Variants in CEP295 observed in about 807,000 individuals in gnomAD.
CEP295 encodes the protein centrosomal protein 295, also known as centrosomal protein of 295 kDa.
A neutral mutation model predicts 291.6 loss-of-function variants in CEP295; 190 were observed. That is an observed-to-expected ratio of 0.65 (90% CI 0.58 to 0.73). The LOEUF (loss-of-function observed/expected upper bound fraction) is 0.73. Among genes scored for constraint, CEP295 ranks in the 30% least tolerant of loss-of-function variants. CEP295 has a pLI of 0.00. For missense variants in CEP295, 2,863 were observed against 2,949.4 expected (o/e 0.97, Z 0.68); for synonymous variants, 993 against 1,038.8 (o/e 0.96, Z 0.85).
Position 93,699,550 on chromosome 11 carries a change from T to C in CEP295, c.4638T>C (p.Val1546=), listed in dbSNP as rs1203177170. The change falls in exon 15 of 30, where the codon GTT becomes GTC. Residue 1546 remains valine, a synonymous_variant. Transcript: ENST00000325212. ...ELEKRVSSEQ[V]CSSSFVSQVP... is the part of the protein sequence containing the mutation. ...AGAAAAGGGTATCATCTGAACAAGT[T>C]TGCTCCTCTTCATTTGTATCCCAGG... 9 of 1,551,904 alleles carry C rather than the reference T, an allele frequency of 5.8e-6. No homozygotes were observed. The highest frequency in any genetic ancestry group is 2.0e-5 in the Admixed American group (1 of 51,008).
At position 93,689,823 on chromosome 11, in the gene CEP295, C is replaced by G. The variant is rs531180715; in HGVS notation, c.1337-1860C>G. 1.3e-4 allele frequency among the ~76,000 whole-genome samples: 20 copies of G among 152,304 alleles called. No homozygotes were observed. The East Asian group carries it at 3.9e-3, about 29-fold the overall frequency. ...ACTACTGCCTTGTACAAAACAGGTG[C>G]TCAGTTAACATTCGTTGAATTAATT... On this transcript the variant is annotated intron_variant, in intron 10 of 29. Transcript: ENST00000325212.
chr11:93,684,214 CTGATA>C, intron 9 of CEP295, 86 bp downstream of exon 9: 3 of 1,154,498 alleles, frequency 2.6e-6, no homozygotes, highest in Non-Finnish European at 3.7e-6. Flanking sequence ...AAAATCTGGT[CTGATA>C]TAAGTGCAAG....
At chr11:93,702,985 A>G (rs1952268875) in intron 17 of CEP295, 66 bp downstream of exon 17, 4 of 1,303,210 alleles carry the variant, frequency 3.1e-6, no homozygotes, top group Non-Finnish European at 4.2e-6. Context: ...TTTTTTTTAG[A>G]TGGAGCCTTG....
At chr11:93,690,322 C>T (rs771663380) in intron 10 of CEP295, among the ~76,000 whole-genome samples, 3 of 152,152 alleles carry the variant, frequency 2.0e-5, no homozygotes, top group Non-Finnish European at 2.9e-5. Flanking sequence ...TTTGGGAGGC[C>T]GGGGCAGGCA....
intron 10 of CEP295, among the ~76,000 whole-genome samples, chr11:93,688,754 A>T (rs997119968): frequency 6.6e-6 from 1 of 152,192 alleles, no homozygotes; most frequent in East Asian, 1.9e-4. Flanking sequence ...TCATCTGTAA[A>T]CTGATGTCTC....
chr11:93,725,201 C>T (rs2434986), intron 22 of CEP295, among the ~76,000 whole-genome samples: 136,649 of 151,646 alleles, frequency 0.9, 62,760 homozygotes, highest in Non-Finnish European at 0.99. Context: ...GAGCCGAGAT[C>T]GTGCCACTGC....
chr11:93,693,201 C>T (rs1044627671), intron 12 of CEP295, among the ~76,000 whole-genome samples: 6 of 150,314 alleles, frequency 4.0e-5, no homozygotes, highest in Non-Finnish European at 7.4e-5. Flanking sequence ...GGTGTGAACC[C>T]GGGAGACAGA....
At chr11:93,718,441 C>A (rs1425986117) in intron 18 of CEP295, among the ~76,000 whole-genome samples, 1 of 152,184 alleles carries the variant, frequency 6.6e-6, no homozygotes, top group East Asian at 1.9e-4. Context: ...TATCAGTGAA[C>A]CACATCCCAA....
rs767499080 is a variant in CEP295 at position 93,697,796 on chromosome 11, G to C, written c.2884G>C (p.Asp962His). The change falls in exon 15 of 30, where the codon GAT becomes CAT. Residue 962 changes from aspartate (D) to histidine (H), a missense_variant. This residue lies in a region of CEP295 where 2,295 missense variants were observed against 2,335.7 expected (regional missense o/e 0.98). Transcript: ENST00000325212. ...CCAAGAGCAGTTGAATATTCAGAAG[G>C]ATAGCCTTCAGGCTAGGCGAGAAGC... is the stretch of plus-strand genomic sequence containing the variant. ...FLQEQLNIQK[D>H]SLQARREAQE... The C allele has an allele frequency of 3.9e-6, 6 of 1,551,708 alleles. No individual in the cohort carries two copies. The East Asian group carries it at 7.3e-5, about 19-fold the overall frequency.
Position 93,729,645 on chromosome 11 carries a change from G to T in CEP295, c.7431G>T (p.Gly2477=). 1 of 1,550,740 alleles carries T rather than the reference G, an allele frequency of 6.4e-7. No individual in the cohort carries two copies. Reference sequence around the variant, plus strand: ...CTCGCAGGCTTACACCTGTACCAGGGAGCTTACAAGAAGCATTTATAAAGA... The same window carrying T: ...CTCGCAGGCTTACACCTGTACCAGGTAGCTTACAAGAAGCATTTATAAAGA... The part of the protein sequence containing the change: ...ETPRRLTPVP[G]SLQEAFIKRK... Residue 2477 remains glycine, a synonymous_variant, in exon 27 of 30, where the codon GGG becomes GGT. Transcript: ENST00000325212.
rs1051158641 is a variant in CEP295 at position 93,727,517 on chromosome 11, T to C, written c.7041T>C (p.Tyr2347=). The change falls in exon 24 of 30, where the codon TAT becomes TAC. Residue 2347 remains tyrosine, a synonymous_variant. Coordinates refer to ENST00000325212, the MANE Select transcript of CEP295 (RefSeq NM_033395.2). ...PYSLTTQNEK[Y]FENSAETDIP... is the part of the protein sequence containing the mutation. ...CCTTAACTACTCAAAATGAAAAATA[T>C]TTTGAGAATTCAGCTGAAACAGACA... 76 of 1,551,654 alleles carry C rather than the reference T, an allele frequency of 4.9e-5. 1 individual carries two copies. Among genetic ancestry groups the C allele is most frequent in the Non-Finnish European group, 6.2e-5 (71 of 1,146,966 alleles).
intron 2 of CEP295, 21 bp from the exon 3 acceptor site, chr11:93,667,586 T>A (rs1284159846): frequency 7.3e-6 from 11 of 1,506,992 alleles, no homozygotes; most frequent in Non-Finnish European, 9.8e-6. Context: ...TCATATAACC[T>A]GTTAAATATG....
intron 6 of CEP295, among the ~76,000 whole-genome samples, chr11:93,677,412 C>T (rs1950748403): frequency 6.6e-6 from 1 of 151,996 alleles, no homozygotes; most frequent in Non-Finnish European, 1.5e-5. Context: ...AAAGTAATTC[C>T]AAAATCTTTT....
At chr11:93,677,180 A>G (rs1035568844) in intron 6 of CEP295, among the ~76,000 whole-genome samples, 1 of 152,130 alleles carries the variant, frequency 6.6e-6, no homozygotes, top group South Asian at 2.1e-4. Context: ...TTTCATCTGC[A>G]CTCAACTTAT....
intron 6 of CEP295, among the ~76,000 whole-genome samples, chr11:93,678,888 G>T (rs1265600752): frequency 1.3e-5 from 2 of 151,952 alleles, no homozygotes; most frequent in African/African-American, 2.4e-5. Context: ...ATGGAGTCTT[G>T]TTCTGTCACC....
chr11:93,704,760 C>A (rs1952412532), intron 17 of CEP295, among the ~76,000 whole-genome samples: 1 of 152,152 alleles, frequency 6.6e-6, no homozygotes, highest in Non-Finnish European at 1.5e-5. Context: ...CTTCTATCAT[C>A]ATATTACATG....
Position 93,730,219 on chromosome 11 carries a change from T to C in CEP295, c.7768-12T>C. On this transcript the variant is annotated splice_polypyrimidine_tract_variant and intron_variant, in intron 29 of 29. Transcript: ENST00000325212. ...TACACAACTGAAACTCAAATTTTTATTCCTTCCACAGAAAACACTAGAGAA... is the reference window on the plus strand; with the variant it reads ...TACACAACTGAAACTCAAATTTTTACTCCTTCCACAGAAAACACTAGAGAA... The C allele has an allele frequency of 6.4e-7, 1 of 1,551,376 alleles. No homozygotes were observed. Among genetic ancestry groups the C allele is most frequent in the Non-Finnish European group, 8.7e-7 (1 of 1,146,872 alleles).
Position 93,730,122 on chromosome 11 carries a change from A to G in CEP295, c.7741A>G (p.Arg2581Gly), listed in dbSNP as rs1403353978. ...AAAACAAGAAGCTTATGCCCAAAAC[A>G]GAGCAAGGGCAAAAGAATTCCATAA... ...KTKQEAYAQN[R>G]ARAKEFHKKT... is the part of the protein sequence containing the mutation. The change falls in exon 29 of 30, where the codon AGA (arginine) becomes GGA (glycine). Residue 2581 changes from arginine to glycine, a missense_variant. This residue lies in a region of CEP295 where 2,295 missense variants were observed against 2,335.7 expected (regional missense o/e 0.98). Transcript: ENST00000325212. 11 of 1,551,216 alleles carry G rather than the reference A, an allele frequency of 7.1e-6. No individual in the cohort carries two copies. In the South Asian group the frequency reaches 9.5e-5, roughly 13 times the overall value.
chr11:93,686,962 C>T (rs572585884), intron 9 of CEP295, among the ~76,000 whole-genome samples: 1 of 152,218 alleles, frequency 6.6e-6, no homozygotes, highest in Admixed American at 6.5e-5. Flanking sequence ...CTTGACTAAG[C>T]CAGAGAAATA....
Sources: gnomAD v4.1 joint callset for allele counts (sites outside exome capture counted in the v4.1 genomes callset) on GRCh38, gnomAD v4.1.1 for gene constraint, gnomAD v4.1.1 regional missense constraint, MANE v1.5 for transcripts, NCBI Gene and HGNC (gene_info 2026-07-23, HGNC 2026-07-21) for gene names.